The following EFCAB6 variants were observed in gnomAD, a reference collection of about 807,000 sequenced individuals.
EFCAB6 encodes EF-hand calcium binding domain 6, also known as EF-hand calcium-binding domain-containing protein 6.
EFCAB6 carries 156 observed loss-of-function variants against 169.8 expected under a neutral mutation model. The observed-to-expected ratio is 0.92, with a 90% CI of 0.81 to 1.05. The LOEUF (loss-of-function observed/expected upper bound fraction) is 1.05. Ranked by LOEUF, EFCAB6 falls within the 50% of genes least tolerant of loss-of-function variation. The pLI, the probability that EFCAB6 is intolerant of heterozygous loss-of-function variation, is 0.00. For missense variants in EFCAB6, 1,800 were observed against 1,829.1 expected (o/e 0.98, Z 0.29); for synonymous variants, 698 against 676.4 (o/e 1.03, Z -0.50).
intron 22 of EFCAB6, among the ~76,000 whole-genome samples, chr22:43,601,655 G>A (rs530640216): frequency 4.9e-4 from 75 of 152,348 alleles, no homozygotes; most frequent in Middle Eastern, 3.4e-3. Flanking sequence ...TGAGCTGGGT[G>A]AACAATAAAG....
chr22:43,662,468 C>G (rs936532282), intron 17 of EFCAB6, among the ~76,000 whole-genome samples: 2 of 152,140 alleles, frequency 1.3e-5, no homozygotes, highest in African/African-American at 4.8e-5. Flanking sequence ...AGTGCAGCCT[C>G]TGTTTAAATG....
In EFCAB6 at chr22:43,683,818, T is replaced by C. The variant is rs778494206; in HGVS notation, c.1180A>G (p.Ile394Val). Residue 394 changes from isoleucine to valine, a missense_variant, in exon 12 of 32, where the codon ATC becomes GTC. Transcript: ENST00000262726. Reference protein sequence around the residue: ...SRNESHKENIITKLFRHTEDH... With the variant: ...SRNESHKENIVTKLFRHTEDH... The stretch of plus-strand genomic sequence containing the variant: ...TCAGTGTGTCTAAATAACTTTGTGA[T>C]GATGTTTTCCTTGTGAGATTCATTT... 3.1e-6 allele frequency: 5 copies of C among 1,613,614 alleles called. No homozygotes were observed. The highest frequency in any genetic ancestry group is 4.2e-6 in the Non-Finnish European group (5 of 1,179,524).
intron 7 of EFCAB6, among the ~76,000 whole-genome samples, chr22:43,734,705 T>G (rs1221340888): frequency 6.6e-6 from 1 of 152,132 alleles, no homozygotes; most frequent in Non-Finnish European, 1.5e-5. Context: ...ATCTATTATG[T>G]GTTTTATATT....
intron 4 of EFCAB6, among the ~76,000 whole-genome samples, chr22:43,769,037 T>C (rs947358867): frequency 1.3e-5 from 2 of 152,176 alleles, no homozygotes; most frequent in African/African-American, 2.4e-5. Flanking sequence ...CACGAAAACC[T>C]TTCACATGAA....
At chr22:43,666,325 G>A (rs1168013358) in intron 17 of EFCAB6, among the ~76,000 whole-genome samples, 4 of 152,122 alleles carry the variant, frequency 2.6e-5, no homozygotes, top group African/African-American at 9.7e-5. Flanking sequence ...CCTCCATGAT[G>A]CTGCATTCTG....
At chr22:43,590,037 G>A (rs1319527853) in intron 24 of EFCAB6, 37 bp downstream of exon 24, 4 of 1,594,128 alleles carry the variant, frequency 2.5e-6, no homozygotes, top group African/African-American at 2.7e-5. Context: ...TGTTTTTCAG[G>A]GCCATGAGAA....
chr22:43,598,270 G>A (rs920594724), intron 23 of EFCAB6, among the ~76,000 whole-genome samples: 1 of 121,832 alleles, frequency 8.2e-6, no homozygotes, highest in African/African-American at 3.3e-5. Flanking sequence ...TGGAGCCACT[G>A]CACTCCAGCC....
intron 6 of EFCAB6, among the ~76,000 whole-genome samples, chr22:43,737,179 T>G (rs2060171192): frequency 6.6e-6 from 1 of 152,068 alleles, no homozygotes; most frequent in Non-Finnish European, 1.5e-5. Context: ...TGGGCACACC[T>G]CCCTGGCTCT....
chr22:43,668,806 A>G, intron 16 of EFCAB6, 66 bp downstream of exon 16: 3 of 1,344,402 alleles, frequency 2.2e-6, no homozygotes, highest in Non-Finnish European at 2.9e-6. Flanking sequence ...ACAAATAGTT[A>G]CTAAATACCT....
intron 8 of EFCAB6, among the ~76,000 whole-genome samples, chr22:43,718,005 A>C (rs932647758): frequency 6.6e-6 from 1 of 152,106 alleles, no homozygotes; most frequent in African/African-American, 2.4e-5. Context: ...GGTAATTAGC[A>C]TAATTTCATT....
intron 29 of EFCAB6, chr22:43,535,396 C>CA (rs1229299139): frequency 1.3e-5 from 2 of 152,628 alleles, no homozygotes; most frequent in Non-Finnish European, 2.9e-5. Context: ...AAAATATATA[C>CA]AACTTATTCT....
chr22:43,598,491 A>G (rs73432037), intron 23 of EFCAB6, among the ~76,000 whole-genome samples: 32,934 of 151,852 alleles, frequency 0.22, 3,884 homozygotes, highest in African/African-American at 0.28. Context: ...AAATTTTAGT[A>G]TTTGATAGTA....
chr22:43,612,187 A>G (rs1236231591), intron 21 of EFCAB6, among the ~76,000 whole-genome samples: 4 of 152,200 alleles, frequency 2.6e-5, no homozygotes, highest in Non-Finnish European at 5.9e-5. Context: ...CAAGATGAAT[A>G]AAAGACTTAA....
At chr22:43,622,497 C>T (rs538355695) in intron 20 of EFCAB6, among the ~76,000 whole-genome samples, 5 of 152,140 alleles carry the variant, frequency 3.3e-5, no homozygotes, top group South Asian at 2.1e-4. Flanking sequence ...ACCTGGGAGG[C>T]GGAGGTTGCA....
intron 7 of EFCAB6, among the ~76,000 whole-genome samples, chr22:43,733,811 C>T (rs370606113): frequency 1.3e-5 from 2 of 152,044 alleles, no homozygotes; most frequent in Admixed American, 6.6e-5. Flanking sequence ...CGGGTTCAAG[C>T]GATTCTCCTG....
Position 43,752,345 on chromosome 22 carries a change from T to C in EFCAB6, c.507+3421A>G, listed in dbSNP as rs531382050. On this transcript the variant is annotated intron_variant, in intron 6 of 31. Coordinates refer to ENST00000262726, the MANE Select transcript of EFCAB6 (RefSeq NM_022785.4). ...GTTGACCAGGCTGGTCTTAAACTCC[T>C]GACCTCAGGTGATTCGCCTGCCTCG... Among the ~76,000 whole-genome samples, 9 of 152,300 alleles carry C rather than the reference T, an allele frequency of 5.9e-5. 1 individual carries two copies. In the East Asian group the frequency reaches 1.7e-3, roughly 29 times the overall value.
chr22:43,585,330 T>C (rs2050990829), intron 24 of EFCAB6, among the ~76,000 whole-genome samples: 1 of 151,030 alleles, frequency 6.6e-6, no homozygotes, highest in Admixed American at 6.6e-5. Flanking sequence ...AAATGAAGAA[T>C]GACTTTGATG....
In EFCAB6 at chr22:43,583,401, C is replaced by T. The variant is rs139456048; in HGVS notation, c.3033-2742G>A. ...GCAATAGTCGTTTCAGATAAAGTCT[C>T]TTTTACTTAAGTATGGATTTGTCTT... On this transcript the variant is annotated intron_variant, in intron 24 of 31. Coordinates refer to ENST00000262726, the MANE Select transcript of EFCAB6 (RefSeq NM_022785.4). 1.2e-4 allele frequency among the ~76,000 whole-genome samples: 18 copies of T among 151,690 alleles called. No homozygotes were observed. In the East Asian group the frequency reaches 3.5e-3, roughly 30 times the overall value.
chr22:43,754,971 A>G (rs1311010976), intron 6 of EFCAB6, among the ~76,000 whole-genome samples: 1 of 152,244 alleles, frequency 6.6e-6, no homozygotes, highest in African/African-American at 2.4e-5. Context: ...TAATGCTAAG[A>G]AATTATCATA....
Sources: allele counts gnomAD v4.1 joint callset (sites outside exome capture counted in the v4.1 genomes callset), GRCh38; gene constraint gnomAD v4.1.1; transcripts MANE v1.5; gene names NCBI Gene and HGNC (gene_info 2026-07-23, HGNC 2026-07-21).